The following ADGRE3 variants were observed in gnomAD, a reference collection of about 807,000 sequenced individuals.
ADGRE3 encodes the protein adhesion G protein-coupled receptor E3.
ADGRE3 carries 88 observed loss-of-function variants against 80.1 expected under a neutral mutation model. The ratio of observed to expected loss-of-function variants is 1.10; its 90% CI spans 0.93 to 1.31. The LOEUF (loss-of-function observed/expected upper bound fraction) is 1.31, where lower values mean the gene tolerates loss of function less well. Ranked by LOEUF, ADGRE3 falls within the 40% of genes most tolerant of loss-of-function variation. ADGRE3 has a pLI of 0.00. For missense variants in ADGRE3, 715 were observed against 776.5 expected (o/e 0.92, Z 0.94); for synonymous variants, 281 against 294.8 (o/e 0.95, Z 0.48).
chr19:14,638,226 T>C lies in ADGRE3; in HGVS notation c.1363A>G (p.Asn455Asp), dbSNP rs1429579058. Residue 455 changes from asparagine to aspartate, a missense_variant, in exon 11 of 16, where the codon AAC (asparagine) becomes GAC (aspartate). Transcript: ENST00000253673. ...ATGAGTCTATTGATGCTTGAGTAGT[T>C]GACCACTGTCAGGTTCCGTGCAGTG... ...FLTARNLTVV[N>D]YSSINRLMKW... The C allele has an allele frequency of 1.2e-6, 2 of 1,614,134 alleles. No individual in the cohort carries two copies. The highest frequency in any genetic ancestry group is 2.2e-5 in the South Asian group (2 of 91,076).
At position 14,630,080 on chromosome 19, in the gene ADGRE3, C is replaced by A; in HGVS notation, c.1771G>T (p.Gly591Cys). Residue 591 changes from glycine (G) to cysteine (C), a missense_variant, in exon 14 of 16, where the codon GGC (glycine) becomes TGC (cysteine). Physicochemically the swap from Gly to Cys is radical, Grantham distance 159. Coordinates refer to ENST00000253673, the MANE Select transcript of ADGRE3 (RefSeq NM_032571.5). ...YLFTIINSLQGFFIFLVYCLL... is the reference protein window; with the variant it reads ...YLFTIINSLQCFFIFLVYCLL... Reference sequence around the variant, plus strand: ...CAGTAGACCAAGAAGATGAAGAAGCCTTGGAGGCTGTTGATGATGGTGAAG... The same window carrying A: ...CAGTAGACCAAGAAGATGAAGAAGCATTGGAGGCTGTTGATGATGGTGAAG... 1 of 1,611,962 alleles carries A rather than the reference C, an allele frequency of 6.2e-7. No individual in the cohort carries two copies. Among genetic ancestry groups the A allele is most frequent in the Non-Finnish European group, 8.5e-7 (1 of 1,178,592 alleles).
In ADGRE3 at chr19:14,625,741, TACTC is replaced by T. The variant is rs1269811616; in HGVS notation, c.1813-146_1813-143del. On this transcript the variant is annotated intron_variant, in intron 14 of 15. Coordinates refer to ENST00000253673, the MANE Select transcript of ADGRE3 (RefSeq NM_032571.5). ...ATGGTCTATTCGTACAATGGAATATTACTCAGTCTTATAAAGGAAGGAGATTCTG... is the reference window on the plus strand; with the variant it reads ...ATGGTCTATTCGTACAATGGAATATTAGTCTTATAAAGGAAGGAGATTCTG... 3.7e-5 allele frequency: 23 copies of T among 613,826 alleles called. No homozygotes were observed. The Admixed American group carries it at 4.4e-4, about 12-fold the overall frequency. 38.0% of individuals were successfully genotyped at this position (613,826 alleles called of 1,614,324 possible).
intron 3 of ADGRE3, among the ~76,000 whole-genome samples, 195 bp downstream of exon 3, chr19:14,663,223 G>A (rs1172892398): frequency 5.9e-5 from 9 of 151,640 alleles, no homozygotes; most frequent in Non-Finnish European, 1.0e-4. Context: ...GACTGGTCTC[G>A]AACTCCTGAC....
the ADGRE3 span, chr19:14,600,300 A>G: frequency 2.4e-6 from 3 of 1,255,848 alleles, no homozygotes; most frequent in Middle Eastern, 2.0e-4. Flanking sequence ...TTCAGTTACT[A>G]AAACTTTAAC....
intron 14 of ADGRE3, among the ~76,000 whole-genome samples, chr19:14,626,872 G>A (rs550605409): frequency 6.6e-6 from 1 of 152,158 alleles, no homozygotes; most frequent in African/African-American, 2.4e-5. Context: ...GTTGATGGCC[G>A]GTCTCAAGGG....
chr19:14,664,877 T>C (rs1972048479), intron 2 of ADGRE3, among the ~76,000 whole-genome samples: 1 of 152,108 alleles, frequency 6.6e-6, no homozygotes, highest in African/African-American at 2.4e-5. Flanking sequence ...CCCCAGATTC[T>C]GAGCTGTCTA....
rs375455052 is a variant in ADGRE3, at chr19:14,638,396, G to A, written c.1249-56C>T. On this transcript the variant is annotated intron_variant, in intron 10 of 15. Transcript: ENST00000253673. Reference sequence around the variant, plus strand: ...GTTGTCAGGGTGGAGTATGGCCCTAGGACCTCTCCTTGACATTGGCTTTGG... The same window carrying A: ...GTTGTCAGGGTGGAGTATGGCCCTAAGACCTCTCCTTGACATTGGCTTTGG... 318 of 1,345,874 alleles carry A rather than the reference G, an allele frequency of 2.4e-4. 3 individuals carry two copies. The South Asian group carries it at 3.4e-3, about 14-fold the overall frequency. 83.4% of individuals were successfully genotyped at this position (1,345,874 alleles called of 1,614,324 possible). A position where few individuals can be genotyped will look rare whatever the true frequency, so the allele number is the denominator to read the frequency against.
the ADGRE3 span, among the ~76,000 whole-genome samples, chr19:14,607,482 C>A: frequency 1.3e-5 from 2 of 150,810 alleles, no homozygotes; most frequent in Non-Finnish European, 3.0e-5. Context: ...GGATTACAGG[C>A]GTGAGCCACC....
intron 15 of ADGRE3, among the ~76,000 whole-genome samples, chr19:14,621,352 G>A (rs1970602798): frequency 6.6e-6 from 1 of 152,050 alleles, no homozygotes; most frequent in Non-Finnish European, 1.5e-5. Context: ...CTACTGGGGA[G>A]GCTGAGGCAG....
intron 1 of ADGRE3, among the ~76,000 whole-genome samples, chr19:14,672,427 C>T (rs1043429587): frequency 6.6e-6 from 1 of 152,110 alleles, no homozygotes; most frequent in Admixed American, 6.6e-5. Flanking sequence ...TCTAAGCTTC[C>T]TTATGTGAAA....
At chr19:14,645,192 C>CA (rs150124830) in intron 8 of ADGRE3, among the ~76,000 whole-genome samples, 4,246 of 151,978 alleles carry the variant, frequency 0.028, 195 homozygotes, top group African/African-American at 0.097. Flanking sequence ...AAAAAAAACC[C>CA]AAAAAAAGCA....
chr19:14,604,428 G>A, the ADGRE3 span, among the ~76,000 whole-genome samples: 2 of 151,658 alleles, frequency 1.3e-5, no homozygotes, highest in African/African-American at 2.4e-5. Flanking sequence ...ATGCTATAAC[G>A]ACAGAAATAT....
rs1568481217 is a variant in ADGRE3 at position 14,636,092 on chromosome 19, T to TTCTTTCTTTCTTTC, written c.1484+1999_1484+2012dup. ...TTTCCTTTCCTTTCCCTTTCTTTCT[T>TTCTTTCTTTCTTTC]TCTTTCTTTCTTTCTTTCTTTCTTT... On this transcript the variant is annotated intron_variant, in intron 11 of 15. Transcript: ENST00000253673. Among the ~76,000 whole-genome samples the TTCTTTCTTTCTTTC allele has an allele frequency of 8.6e-4, 32 of 37,290 alleles. 2 individuals carry two copies. The highest frequency in any genetic ancestry group is 2.0e-3 in the Admixed American group (6 of 2,952). 24.5% of individuals were successfully genotyped at this position (37,290 alleles called of 152,430 possible). A position where few individuals can be genotyped will look rare whatever the true frequency, so the allele number is the denominator to read the frequency against.
chr19:14,673,908 T>C lies in ADGRE3; in HGVS notation c.25+838A>G, dbSNP rs138696142. Among the ~76,000 whole-genome samples the C allele has an allele frequency of 6.5e-3, 991 of 152,312 alleles. 6 individuals carry two copies. Among genetic ancestry groups the C allele is most frequent in the Middle Eastern group, 0.031 (9 of 294 alleles). On this transcript the variant is annotated intron_variant, in intron 1 of 15. Transcript: ENST00000253673. ...ACTCCCTCAGCCTTCCCAGTCTTCA[T>C]CGTCTATCATTCTACTCTCTATGTC...
rs1555755759 is a variant in ADGRE3 at position 14,636,057 on chromosome 19, C to CTTCCTTCCTTCCTTCCT, written c.1484+2047_1484+2048insAGGAAGGAAGGAAGGAA. On this transcript the variant is annotated intron_variant, in intron 11 of 15. Transcript: ENST00000253673. ...CCTTCCTTCCTTCCTTCCTTCCTTC[C>CTTCCTTCCTTCCTTCCT]TTCCTTTCCTTTCCTTTCCTTTCCC... 6.6e-4 allele frequency among the ~76,000 whole-genome samples: 42 copies of CTTCCTTCCTTCCTTCCT among 63,678 alleles called. 5 individuals carry two copies. Among genetic ancestry groups the CTTCCTTCCTTCCTTCCT allele is most frequent in the South Asian group, 2.6e-3 (4 of 1,548 alleles). The allele number at this position is 63,678 out of a possible 152,430, so 41.8% of individuals were successfully genotyped here.
intron 10 of ADGRE3, 22 bp downstream of exon 10, chr19:14,641,397 T>A (rs2146840566): frequency 1.2e-6 from 2 of 1,613,902 alleles, no homozygotes; most frequent in East Asian, 4.5e-5. Flanking sequence ...AGAAAGGGCA[T>A]CCTCTGAGAC....
At chr19:14,665,521 C>T (rs998817506) in intron 2 of ADGRE3, among the ~76,000 whole-genome samples, 6 of 151,984 alleles carry the variant, frequency 3.9e-5, no homozygotes, top group African/African-American at 7.2e-5. Flanking sequence ...GATAAGGTCT[C>T]GCTCTATTGT....
At chr19:14,605,591 C>T in the ADGRE3 span, among the ~76,000 whole-genome samples, 2 of 152,152 alleles carry the variant, frequency 1.3e-5, no homozygotes. Context: ...TATCCTTTTT[C>T]TAGTTAATCC....
downstream of ADGRE3, among the ~76,000 whole-genome samples, chr19:14,615,607 C>T (rs987696084): frequency 8.6e-5 from 13 of 151,506 alleles, no homozygotes; most frequent in African/African-American, 2.9e-4. Context: ...CTAAAAAATA[C>T]AAAAATTAGC....
Sources: gnomAD v4.1 joint callset for allele counts (sites outside exome capture counted in the v4.1 genomes callset) on GRCh38, gnomAD v4.1.1 for gene constraint, MANE v1.5 for transcripts, NCBI Gene and HGNC (gene_info 2026-07-23, HGNC 2026-07-21) for gene names.